Variants in SEMA5B observed in about 807,000 individuals in gnomAD.
SEMA5B encodes the protein semaphorin 5B.
SEMA5B carries 66 observed loss-of-function variants against 135.0 expected under a neutral mutation model. The observed-to-expected ratio is 0.49, with a 90% CI of 0.40 to 0.60. The LOEUF (loss-of-function observed/expected upper bound fraction) is 0.60, where lower values mean the gene tolerates loss of function less well. Among genes scored for constraint, SEMA5B ranks in the 20% least tolerant of loss-of-function variants. SEMA5B has a pLI of 0.00. For missense variants in SEMA5B, 1,501 were observed against 1,566.3 expected (o/e 0.96, Z 0.70); for synonymous variants, 690 against 639.5 (o/e 1.08, Z -1.19).
In SEMA5B at chr3:122,913,257, C is replaced by T; in HGVS notation, c.2448G>A (p.Arg816=). The stretch of plus-strand genomic sequence containing the variant: ...GACAGGTCCTCGTCTCGGTCCTTCT[C>T]CTGCCGAACTGCAGGCCGTGCGGGT... ...LADPHGLQFG[R]RRTETRTCPA... The change falls in exon 17 of 23, where the codon AGG becomes AGA. Residue 816 remains arginine, a synonymous_variant. Coordinates refer to ENST00000357599, the MANE Select transcript of SEMA5B (RefSeq NM_001031702.4). 6.3e-7 allele frequency: 1 copy of T among 1,586,176 alleles called. No individual in the cohort carries two copies. The highest frequency in any genetic ancestry group is 2.3e-5 in the East Asian group (1 of 44,174).
intron 1 of SEMA5B, among the ~76,000 whole-genome samples, chr3:123,010,865 G>A (rs1942424421): frequency 6.7e-6 from 1 of 150,208 alleles, no homozygotes; most frequent in Admixed American, 6.6e-5. Flanking sequence ...TTAGCCCAGA[G>A]CAGGTGAGGG....
intron 12 of SEMA5B, among the ~76,000 whole-genome samples, chr3:122,920,579 A>C (rs1289576163): frequency 1.3e-5 from 2 of 152,230 alleles, no homozygotes; most frequent in Non-Finnish European, 2.9e-5. Context: ...TATGAATACT[A>C]GTCCCAATCC....
rs746601263 is a variant in SEMA5B, at chr3:122,912,919, C to T, written c.2649G>A (p.Pro883=). The change falls in exon 18 of 23, where the codon CCG becomes CCA. Residue 883 remains proline (P), a synonymous_variant. Transcript: ENST00000357599. ...FRVRKRTCTN[P]EPRNGGLPCV... ...AGGGCAGGCCCCCGTTGCGGGGCTCCGGGTTAGTGCACGTTCTCTTGCGGA... is the reference window on the plus strand; with the variant it reads ...AGGGCAGGCCCCCGTTGCGGGGCTCTGGGTTAGTGCACGTTCTCTTGCGGA... 1 of 1,611,880 alleles carries T rather than the reference C, an allele frequency of 6.2e-7. No individual in the cohort carries two copies. The highest frequency in any genetic ancestry group is 8.5e-7 in the Non-Finnish European group (1 of 1,179,084).
At chr3:123,016,130 G>A (rs1378401035) in intron 1 of SEMA5B, among the ~76,000 whole-genome samples, 2 of 152,184 alleles carry the variant, frequency 1.3e-5, no homozygotes, top group African/African-American at 4.8e-5. Flanking sequence ...TGAGGGAGCT[G>A]GCAGCCCAAG....
intron 1 of SEMA5B, among the ~76,000 whole-genome samples, chr3:122,981,973 C>T (rs1435622233): frequency 6.6e-6 from 1 of 152,172 alleles, no homozygotes; most frequent in Non-Finnish European, 1.5e-5. Context: ...AGGCTGTGAG[C>T]CTCAAGTCAG....
chr3:122,911,589 C>G, intron 20 of SEMA5B, 54 bp from the exon 21 acceptor site: 1 of 1,561,738 alleles, frequency 6.4e-7, no homozygotes. Context: ...AGGAGGGGGG[C>G]CCTGCAGGGT....
chr3:122,943,341 C>A (rs371947014), intron 4 of SEMA5B, 95 bp downstream of exon 4: 18 of 823,156 alleles, frequency 2.2e-5, no homozygotes, highest in East Asian at 1.1e-4. Flanking sequence ...GCCCAGCACG[C>A]GGGGCTGCCC....
intron 22 of SEMA5B, among the ~76,000 whole-genome samples, chr3:122,910,581 G>A (rs1433109045): frequency 3.3e-5 from 5 of 152,000 alleles, no homozygotes; most frequent in East Asian, 1.9e-4. Context: ...AGGCCGAGGC[G>A]GGCGGATCAC....
rs891298361 is a variant in SEMA5B at position 122,913,371 on chromosome 3, G to T, written c.2334C>A (p.Pro778=). 1.3e-6 allele frequency: 2 copies of T among 1,582,878 alleles called. No individual in the cohort carries two copies. Among genetic ancestry groups the T allele is most frequent in the Admixed American group, 3.4e-5 (2 of 58,664 alleles). ...EGCPEVRRNT[P]WTPWLPVNVT... ...CGTTCACGGGCAGCCACGGCGTCCA[G>T]GGGGTGTTGCGCCGCACTTCGGGGC... is the stretch of plus-strand genomic sequence containing the variant. Residue 778 remains proline (P), a synonymous_variant, in exon 17 of 23, where the codon CCC becomes CCA. Coordinates refer to ENST00000357599, the MANE Select transcript of SEMA5B (RefSeq NM_001031702.4).
chr3:122,910,001 A>C lies in SEMA5B; in HGVS notation c.*142T>G. 2.4e-6 allele frequency: 2 copies of C among 843,370 alleles called. No individual in the cohort carries two copies. Among genetic ancestry groups the C allele is most frequent in the Non-Finnish European group, 3.7e-6 (2 of 546,720 alleles). The allele number at this position is 843,370 out of a possible 1,614,324, so 52.2% of individuals were successfully genotyped here. On this transcript the variant is annotated 3_prime_UTR_variant, in exon 23 of 23. Coordinates refer to ENST00000357599, the MANE Select transcript of SEMA5B (RefSeq NM_001031702.4). ...GTCAATGCCAGCCAGAGCTCTCTGA[A>C]GCCGGATGGGACCCCCCACAGGCAA...
chr3:123,021,568 G>GCCCTA (rs780868522), intron 1 of SEMA5B, among the ~76,000 whole-genome samples: 22 of 152,188 alleles, frequency 1.4e-4, no homozygotes, highest in Middle Eastern at 3.4e-3. Flanking sequence ...GCTCTTGGGA[G>GCCCTA]GCCTTCCGGA....
chr3:122,924,302 A>G (rs1292803822), intron 9 of SEMA5B, among the ~76,000 whole-genome samples: 1 of 152,190 alleles, frequency 6.6e-6, no homozygotes, highest in Non-Finnish European at 1.5e-5. Context: ...TTACATGAAC[A>G]GCTCACAGAG....
rs534253116 is a variant in SEMA5B at position 122,988,738 on chromosome 3, G to A, written c.-38-27437C>T. On this transcript the variant is annotated intron_variant, in intron 1 of 22. Transcript: ENST00000357599. ...CCTGGAAAGCTCTGCTGGGAGAATG[G>A]CCAGAAAAACCAATTAATCTCGCCT... Among the ~76,000 whole-genome samples, 5 of 152,316 alleles carry A rather than the reference G, an allele frequency of 3.3e-5. No individual in the cohort carries two copies. The East Asian group carries it at 9.6e-4, about 29-fold the overall frequency.
At chr3:122,924,974 G>T (rs537652934) in intron 9 of SEMA5B, among the ~76,000 whole-genome samples, 1 of 152,092 alleles carries the variant, frequency 6.6e-6, no homozygotes, top group Non-Finnish European at 1.5e-5. Context: ...TTGTGACGCC[G>T]CACCCCTACC....
rs868203453 is a variant in SEMA5B at position 122,912,928 on chromosome 3, G to A, written c.2640C>T (p.Cys880=). Residue 880 remains cysteine, a synonymous_variant, in exon 18 of 23, where the codon TGC becomes TGT. Coordinates refer to ENST00000357599, the MANE Select transcript of SEMA5B (RefSeq NM_001031702.4). ...ELGFRVRKRT[C]TNPEPRNGGL... The stretch of plus-strand genomic sequence containing the variant: ...CCCCGTTGCGGGGCTCCGGGTTAGT[G>A]CACGTTCTCTTGCGGACGCGGAAGC... 6.2e-7 allele frequency: 1 copy of A among 1,612,636 alleles called. No homozygotes were observed. Among genetic ancestry groups the A allele is most frequent in the Admixed American group, 1.7e-5 (1 of 59,898 alleles).
chr3:122,948,801 T>A, intron 2 of SEMA5B, 92 bp from the exon 3 acceptor site: 2 of 1,017,274 alleles, frequency 2.0e-6, no homozygotes, highest in South Asian at 3.6e-5. Context: ...CCCACAGGAT[T>A]TGAAAAATAA....
intron 4 of SEMA5B, among the ~76,000 whole-genome samples, chr3:122,940,033 GACCTTTCTGTGGCC>G (rs912466225): frequency 4.6e-5 from 7 of 152,058 alleles, no homozygotes; most frequent in Non-Finnish European, 1.0e-4. Context: ...CTCCAGGTCT[GACCTTTCTGTGGCC>G]ACCTTTCTGG....
At chr3:122,915,133 T>C (rs1937997872) in intron 14 of SEMA5B, among the ~76,000 whole-genome samples, 1 of 152,242 alleles carries the variant, frequency 6.6e-6, no homozygotes, top group African/African-American at 2.4e-5. Context: ...CATCCCATGC[T>C]GTTCCTCATG....
At chr3:122,974,683 A>C (rs1941251256) in intron 1 of SEMA5B, among the ~76,000 whole-genome samples, 1 of 152,078 alleles carries the variant, frequency 6.6e-6, no homozygotes, top group African/African-American at 2.4e-5. Context: ...GGGGGTCTTT[A>C]AGAGAAGCAC....
Sources: allele counts gnomAD v4.1 joint callset (sites outside exome capture counted in the v4.1 genomes callset), GRCh38; gene constraint gnomAD v4.1.1; transcripts MANE v1.5; gene names NCBI Gene and HGNC (gene_info 2026-07-23, HGNC 2026-07-21).